DLGAP4: variants seen among roughly 807,000 people sequenced by gnomAD.
The protein encoded by DLGAP4 is DLG associated protein 4.
In DLGAP4, 18 loss-of-function variants were observed where a neutral mutation model predicts 86.9. The ratio of observed to expected loss-of-function variants is 0.21; its 90% CI spans 0.14 to 0.31. The LOEUF is 0.31. DLGAP4 is among the 10% of genes least tolerant of loss of function. The probability of loss-of-function intolerance (pLI) is 1.00; values close to 1 mark genes in which losing one functional copy is unlikely to be tolerated. For missense variants in DLGAP4, 1,085 were observed against 1,362.6 expected (o/e 0.80, Z 3.21); for synonymous variants, 548 against 574.3 (o/e 0.95, Z 0.65).
At chr20:36,360,995 T>A (rs1337504460) in intron 1 of DLGAP4, among the ~76,000 whole-genome samples, 1 of 150,726 alleles carries the variant, frequency 6.6e-6, no homozygotes, top group African/African-American at 2.4e-5. Context: ...TCAGTATGGG[T>A]GGTGATTCGA....
At chr20:36,434,144 A>G (rs1407422599) in intron 3 of DLGAP4, among the ~76,000 whole-genome samples, 1 of 149,828 alleles carries the variant, frequency 6.7e-6, no homozygotes, top group Non-Finnish European at 1.5e-5. Context: ...GGGTTTTATC[A>G]TGTTGGCCAG....
chr20:36,434,814 C>T (rs1170960794), intron 3 of DLGAP4, among the ~76,000 whole-genome samples: 1 of 152,090 alleles, frequency 6.6e-6, no homozygotes, highest in Non-Finnish European at 1.5e-5. Flanking sequence ...TGGTGCAGTA[C>T]CTGTGTAGAC....
intron 2 of DLGAP4, among the ~76,000 whole-genome samples, chr20:36,420,228 T>TGGAGACGCAGTGGTGGC (rs1276779391): frequency 6.6e-6 from 1 of 152,222 alleles, no homozygotes; most frequent in Non-Finnish European, 1.5e-5. Context: ...TGCTGGATGC[T>TGGAGACGCAGTGGTGGC]GGAGACGCAG....
chr20:36,514,120 AAAGG>A (rs1333342375), intron 10 of DLGAP4, among the ~76,000 whole-genome samples: 1 of 150,958 alleles, frequency 6.6e-6, no homozygotes, highest in African/African-American at 2.5e-5. Context: ...CAGCAAGATC[AAAGG>A]AAGAGCAATT....
At chr20:36,520,881 G>A (rs140195583) in intron 10 of DLGAP4, among the ~76,000 whole-genome samples, 19 of 152,156 alleles carry the variant, frequency 1.2e-4, no homozygotes, top group African/African-American at 3.9e-4. Flanking sequence ...TACCCAGGCC[G>A]GAGTGCAGTA....
chr20:36,359,966 C>T (rs1477486681), intron 1 of DLGAP4, among the ~76,000 whole-genome samples: 2 of 152,142 alleles, frequency 1.3e-5, no homozygotes, highest in Non-Finnish European at 2.9e-5. Flanking sequence ...AGGGCCAGCC[C>T]GCTGAATCCT....
chr20:36,376,723 G>A (rs919591986), intron 2 of DLGAP4, among the ~76,000 whole-genome samples: 1 of 152,128 alleles, frequency 6.6e-6, no homozygotes, highest in African/African-American at 2.4e-5. Flanking sequence ...GGTGGAGCCC[G>A]CAGGGACCTC....
chr20:36,503,102 G>C (rs1341585589), intron 10 of DLGAP4, among the ~76,000 whole-genome samples: 2 of 152,160 alleles, frequency 1.3e-5, no homozygotes, highest in Non-Finnish European at 2.9e-5. Flanking sequence ...CTGTCAGTTA[G>C]TTGCTGTACC....
intron 7 of DLGAP4, among the ~76,000 whole-genome samples, chr20:36,449,027 C>G (rs560234056): frequency 6.6e-6 from 1 of 152,286 alleles, no homozygotes; most frequent in South Asian, 2.1e-4. Flanking sequence ...TAAATGTCTT[C>G]TCTGTTCCTT....
At chr20:36,342,788 C>T (rs1478984030) in intron 1 of DLGAP4, among the ~76,000 whole-genome samples, 8 of 152,328 alleles carry the variant, frequency 5.3e-5, no homozygotes, top group African/African-American at 1.9e-4. Flanking sequence ...AATCAAAAGC[C>T]AGAACTAGTG....
intron 2 of DLGAP4, among the ~76,000 whole-genome samples, chr20:36,405,293 T>C (rs2032285294): frequency 6.6e-6 from 1 of 152,324 alleles, no homozygotes; most frequent in South Asian, 2.1e-4. Flanking sequence ...AAATTACTTA[T>C]TCTCAGTGTC....
chr20:36,476,687 A>T (rs1195365639), intron 7 of DLGAP4, among the ~76,000 whole-genome samples: 85 of 91,498 alleles, frequency 9.3e-4, no homozygotes, highest in Admixed American at 1.5e-3. Context: ...CACTAGCCCA[A>T]TTTTTTTTTT....
At chr20:36,320,412 G>C (rs943187190) in intron 1 of DLGAP4, among the ~76,000 whole-genome samples, 27 of 152,022 alleles carry the variant, frequency 1.8e-4, no homozygotes, top group African/African-American at 4.8e-4. Context: ...ATGCTTGGAG[G>C]GGCCCAGCCA....
rs561398808 is a variant in DLGAP4, at chr20:36,415,808, C to A, written c.-72-15838C>A. On this transcript the variant is annotated intron_variant, in intron 2 of 12. Coordinates refer to ENST00000339266, the MANE Select transcript of DLGAP4 (RefSeq NM_001365621.2). ...CCCCTGGGGCCAGCAGAGGGAGTGG[C>A]ACTGAAGCCTGGAATCTCAAGTGGT... Among the ~76,000 whole-genome samples, 9 of 152,292 alleles carry A rather than the reference C, an allele frequency of 5.9e-5. No individual in the cohort carries two copies. In the South Asian group the frequency reaches 1.9e-3, roughly 32 times the overall value.
At position 36,436,342 on chromosome 20, in the gene DLGAP4, C is replaced by T. The variant is rs774106909; in HGVS notation, c.1233C>T (p.Asn411=). The change falls in exon 4 of 13, where the codon AAC becomes AAT. Residue 411 remains asparagine, a synonymous_variant. Coordinates refer to ENST00000339266, the MANE Select transcript of DLGAP4 (RefSeq NM_001365621.2). The part of the protein sequence containing the change: ...ATQQSLGEQS[N]PRRSLDRLDS... ...AGCAGTCGCTGGGAGAGCAGAGCAA[C>T]CCCCGCAGGTAGGCGCGCAGCTCCA... 1.1e-5 allele frequency: 17 copies of T among 1,594,440 alleles called. No individual in the cohort carries two copies. In the Admixed American group the frequency reaches 2.9e-4, roughly 27 times the overall value.
intron 10 of DLGAP4, among the ~76,000 whole-genome samples, chr20:36,501,079 T>C (rs1293045789): frequency 6.6e-6 from 1 of 151,692 alleles, no homozygotes; most frequent in African/African-American, 2.4e-5. Context: ...TTTTTTTTTT[T>C]TTTGAGACGG....
rs888703834 is a variant in DLGAP4, at chr20:36,431,008, C to T, written c.-72-638C>T. On this transcript the variant is annotated intron_variant, in intron 2 of 12. Coordinates refer to ENST00000339266, the MANE Select transcript of DLGAP4 (RefSeq NM_001365621.2). This position sits in a 1 kb window ranked among gnomAD's most constrained non-coding sequence, Gnocchi z 5.1. The stretch of plus-strand genomic sequence containing the variant: ...TGGCCCTCTAAAAGTCCATGTTTTT[C>T]CCCATAAGGCAAGGAGAGTTCAGGA... Among the ~76,000 whole-genome samples, 1 of 151,748 alleles carries T rather than the reference C, an allele frequency of 6.6e-6. No homozygotes were observed. The highest frequency in any genetic ancestry group is 2.1e-4 in the South Asian group (1 of 4,804).
Position 36,455,946 on chromosome 20 carries a change from G to A in DLGAP4, c.1648+9009G>A, listed in dbSNP as rs140639120. 3.9e-5 allele frequency among the ~76,000 whole-genome samples: 6 copies of A among 152,238 alleles called. No homozygotes were observed. In the South Asian group the frequency reaches 1.0e-3, roughly 26 times the overall value. ...CGCCTCTAGTCTCCACAGTGTCAGG[G>A]CTAAGAGGAAACTCAAAGACCATCA... On this transcript the variant is annotated intron_variant, in intron 7 of 12. Transcript: ENST00000339266.
chr20:36,347,666 A>C (rs781994862), intron 1 of DLGAP4, among the ~76,000 whole-genome samples: 2 of 151,384 alleles, frequency 1.3e-5, no homozygotes, highest in Non-Finnish European at 2.9e-5. Flanking sequence ...TCCACAAAAA[A>C]ATTTTAAAAA....
Sources: gnomAD v4.1 joint callset for allele counts (sites outside exome capture counted in the v4.1 genomes callset) on GRCh38, gnomAD v4.1.1 for gene constraint, Gnocchi (gnomAD v3.1) non-coding constraint, MANE v1.5 for transcripts, NCBI Gene and HGNC (gene_info 2026-07-23, HGNC 2026-07-21) for gene names.